The following GCC1 variants were observed in gnomAD, a reference collection of about 807,000 sequenced individuals.
GCC1 encodes the protein GRIP and coiled-coil domain containing 1.
A neutral mutation model predicts 62.5 loss-of-function variants in GCC1; 36 were observed. The ratio of observed to expected loss-of-function variants is 0.58; its 90% CI spans 0.44 to 0.76. The LOEUF is 0.76. GCC1 is among the 30% of genes least tolerant of loss of function. The pLI is 0.00. For missense variants in GCC1, 885 were observed against 948.3 expected, an observed-to-expected ratio of 0.93 and a Z score of 0.88; for synonymous variants, 391 against 386.8, an observed-to-expected ratio of 1.01 and a Z score of -0.13.
rs1269121953 is a variant in GCC1, at chr7:127,581,933, G to A, written c.*81C>T. On this transcript the variant is annotated 3_prime_UTR_variant, in exon 2 of 2. Coordinates refer to ENST00000321407, the MANE Select transcript of GCC1 (RefSeq NM_024523.6). The stretch of plus-strand genomic sequence containing the variant: ...AGTGAAGAAATAAATGACAATGTAA[G>A]AGAAGAGGCAGCAGAAACCAGAGCC... 12 of 1,057,978 alleles carry A rather than the reference G, an allele frequency of 1.1e-5. No individual in the cohort carries two copies. The highest frequency in any genetic ancestry group is 1.6e-5 in the African/African-American group (1 of 63,104). The allele number at this position is 1,057,978 out of a possible 1,614,324, so 65.5% of individuals were successfully genotyped here.
At position 127,585,489 on chromosome 7, in the gene GCC1, G is replaced by A. The variant is rs1032086838; in HGVS notation, c.-307C>T. On this transcript the variant is annotated 5_prime_UTR_variant, in exon 1 of 2. It adds an upstream start codon to the 5' untranslated region. Coordinates refer to ENST00000321407, the MANE Select transcript of GCC1 (RefSeq NM_024523.6). ...AGAAGCCGCTCCGCACTCTCCGCTC[G>A]TCTGGGCCACAGCAGCCCGGGCCGG... 2 of 356,098 alleles carry A rather than the reference G, an allele frequency of 5.6e-6. No individual in the cohort carries two copies. The highest frequency in any genetic ancestry group is 5.1e-5 in the East Asian group (1 of 19,584). 22.1% of individuals were successfully genotyped at this position (356,098 alleles called of 1,614,324 possible). A position where few individuals can be genotyped will look rare whatever the true frequency, so the allele number is the denominator to read the frequency against.
At position 127,582,316 on chromosome 7, in the gene GCC1, T is replaced by C; in HGVS notation, c.2026A>G (p.Arg676Gly). The change falls in exon 2 of 2, where the codon AGG becomes GGG. Residue 676 changes from arginine to glycine, a missense_variant. Transcript: ENST00000321407. The surrounding 1 kb of genome is among the most constrained non-coding windows in gnomAD (Gnocchi z 4.8). ...AGCTGATGCACCTCGACCTCCAGCCTGTGCTTCTGCTTCCTCAGTGATGTG... is the reference window on the plus strand; with the variant it reads ...AGCTGATGCACCTCGACCTCCAGCCCGTGCTTCTGCTTCCTCAGTGATGTG... ...EITSLRKQKH[R>G]LEVEVHQLQD... 1 of 1,614,226 alleles carries C rather than the reference T, an allele frequency of 6.2e-7. No individual in the cohort carries two copies. The highest frequency in any genetic ancestry group is 1.7e-5 in the Admixed American group (1 of 60,026).
In GCC1 at chr7:127,581,756, T is replaced by G. The variant is rs79030634; in HGVS notation, c.*258A>C. On this transcript the variant is annotated 3_prime_UTR_variant, in exon 2 of 2. Transcript: ENST00000321407. Reference sequence around the variant, plus strand: ...ACCACTGTTCCAACTTCTGCACTTCTCAGTCCTAACCTCATCTTCTCCTCA... The same window carrying G: ...ACCACTGTTCCAACTTCTGCACTTCGCAGTCCTAACCTCATCTTCTCCTCA... The G allele has an allele frequency of 8.7e-3, 4,087 of 468,652 alleles. 145 individuals are homozygous for G. Among genetic ancestry groups the G allele is most frequent in the African/African-American group, 0.073 (3,716 of 50,982 alleles). The allele number at this position is 468,652 out of a possible 1,614,324, so 29.0% of individuals were successfully genotyped here. A position where few individuals can be genotyped will look rare whatever the true frequency, so the allele number is the denominator to read the frequency against.
chr7:127,584,934 C>A lies in GCC1; in HGVS notation c.249G>T (p.Val83=). The change falls in exon 1 of 2, where the codon GTG becomes GTT. Residue 83 remains valine (V), a synonymous_variant. Transcript: ENST00000321407. ...QLPGLTFPDS[V]DDRCSTHSED... ...CGCTGTGAGTGGAGCACCGGTCATC[C>A]ACAGAGTCAGGAAAGGTGAGGCCTG... 6.2e-7 allele frequency: 1 copy of A among 1,614,180 alleles called. No homozygotes were observed. Among genetic ancestry groups the A allele is most frequent in the Non-Finnish European group, 8.5e-7 (1 of 1,180,040 alleles).
Position 127,584,969 on chromosome 7 carries a change from C to G in GCC1, c.214G>C (p.Val72Leu). The G allele has an allele frequency of 6.2e-7, 1 of 1,614,198 alleles. No individual in the cohort carries two copies. Among genetic ancestry groups the G allele is most frequent in the Non-Finnish European group, 8.5e-7 (1 of 1,180,032 alleles). ...SHEADVGLAG[V>L]QLPGLTFPDS... Reference sequence around the variant, plus strand: ...GGAAAGGTGAGGCCTGGAAGCTGGACACCTGCGAGGCCCACATCTGCCTCG... The same window carrying G: ...GGAAAGGTGAGGCCTGGAAGCTGGAGACCTGCGAGGCCCACATCTGCCTCG... The change falls in exon 1 of 2, where the codon GTC (valine) becomes CTC (leucine). Residue 72 changes from valine to leucine, a missense_variant. By Grantham distance (32) the Val-to-Leu change is conservative. Transcript: ENST00000321407.
Position 127,584,964 on chromosome 7 carries a change from C to G in GCC1, c.219G>C (p.Gln73His). The G allele has an allele frequency of 1.2e-6, 2 of 1,614,204 alleles. No individual in the cohort carries two copies. Among genetic ancestry groups the G allele is most frequent in the Non-Finnish European group, 1.7e-6 (2 of 1,180,038 alleles). ...AGTCAGGAAAGGTGAGGCCTGGAAG[C>G]TGGACACCTGCGAGGCCCACATCTG... ...HEADVGLAGV[Q>H]LPGLTFPDSV... is the part of the protein sequence containing the mutation. The change falls in exon 1 of 2, where the codon CAG (glutamine) becomes CAC (histidine). Residue 73 changes from glutamine (Q) to histidine (H), a missense_variant. Gln to His is a conservative substitution (Grantham distance 24, BLOSUM62 0). Coordinates refer to ENST00000321407, the MANE Select transcript of GCC1 (RefSeq NM_024523.6).
In GCC1 at chr7:127,581,956, G is replaced by A. The variant is rs1328802227; in HGVS notation, c.*58C>T. The A allele has an allele frequency of 1.9e-5, 25 of 1,320,040 alleles. No individual in the cohort carries two copies. The highest frequency in any genetic ancestry group is 3.7e-5 in the Admixed American group (2 of 53,992). The allele number at this position is 1,320,040 out of a possible 1,614,324, so 81.8% of individuals were successfully genotyped here. On this transcript the variant is annotated 3_prime_UTR_variant, in exon 2 of 2. Transcript: ENST00000321407. ...AAGAGAAGAGGCAGCAGAAACCAGA[G>A]CCTGCCCTTTCCCACATAAAAGAGG...
At chr7:127,583,865 C>T (rs886760660) in intron 1 of GCC1, among the ~76,000 whole-genome samples, 2 of 152,234 alleles carry the variant, frequency 1.3e-5, no homozygotes, top group African/African-American at 2.4e-5. Flanking sequence ...TATACAGCTG[C>T]CACTATACTG....
chr7:127,582,276 A>G lies in GCC1; in HGVS notation c.2066T>C (p.Leu689Pro). The stretch of plus-strand genomic sequence containing the variant: ...CTCACGATGCCGTTCGCCCTCCTCC[A>G]GCAGCCGATCCTGCAGCTGATGCAC... ...VEVHQLQDRL[L>P]EEGERHREEV... Residue 689 changes from leucine (L) to proline (P), a missense_variant, in exon 2 of 2, where the codon CTG becomes CCG. Coordinates refer to ENST00000321407, the MANE Select transcript of GCC1 (RefSeq NM_024523.6). The surrounding 1 kb of genome is among the most constrained non-coding windows in gnomAD (Gnocchi z 4.8). The G allele has an allele frequency of 6.2e-7, 1 of 1,614,158 alleles. No individual in the cohort carries two copies. The highest frequency in any genetic ancestry group is 1.1e-5 in the South Asian group (1 of 91,082).
rs765563695 is a variant in GCC1, at chr7:127,584,910, G to A, written c.273C>T (p.Ser91=). The A allele has an allele frequency of 9.9e-6, 16 of 1,614,098 alleles. No homozygotes were observed. Among genetic ancestry groups the A allele is most frequent in the Non-Finnish European group, 1.2e-5 (14 of 1,180,038 alleles). ...DSVDDRCSTH[S]EDSTGTATSL... ...TAGTGGCGGTCCCAGTGCTATCCTC[G>A]CTGTGAGTGGAGCACCGGTCATCCA... The change falls in exon 1 of 2, where the codon AGC becomes AGT. Residue 91 remains serine, a synonymous_variant. Transcript: ENST00000321407.
chr7:127,582,390 G>C lies in GCC1; in HGVS notation c.1952C>G (p.Pro651Arg), dbSNP rs967511801. 5.1e-5 allele frequency: 83 copies of C among 1,614,056 alleles called. No individual in the cohort carries two copies. The highest frequency in any genetic ancestry group is 6.9e-5 in the Non-Finnish European group (81 of 1,180,036). Residue 651 changes from proline (P) to arginine (R), a missense_variant, in exon 2 of 2, where the codon CCC becomes CGC. By Grantham distance (103) the Pro-to-Arg change is moderately radical. Transcript: ENST00000321407. This position sits in a 1 kb window ranked among gnomAD's most constrained non-coding sequence, Gnocchi z 4.8. ...QALQLAAANE[P>R]TFFLYAEQLA... ...TTGCTCAGCGTACAGAAAGAAAGTG[G>C]GCTCATTGGCCGCTGCAAGTTGTAA...
rs777223414 is a variant in GCC1 at position 127,582,402 on chromosome 7, G to A, written c.1940C>T (p.Ala647Val). 30 of 1,614,064 alleles carry A rather than the reference G, an allele frequency of 1.9e-5. No homozygotes were observed. The highest frequency in any genetic ancestry group is 5.3e-5 in the African/African-American group (4 of 74,942). ...CAGAAAGAAAGTGGGCTCATTGGCC[G>A]CTGCAAGTTGTAATGCTTGGGTCAG... ...DSLTQALQLA[A>V]ANEPTFFLYA... Residue 647 changes from alanine to valine, a missense_variant, in exon 2 of 2, where the codon GCG becomes GTG. Coordinates refer to ENST00000321407, the MANE Select transcript of GCC1 (RefSeq NM_024523.6). The surrounding 1 kb of genome is among the most constrained non-coding windows in gnomAD (Gnocchi z 4.8).
chr7:127,584,558 C>T lies in GCC1; in HGVS notation c.625G>A (p.Ala209Thr). Residue 209 changes from alanine to threonine, a missense_variant, in exon 1 of 2, where the codon GCC (alanine) becomes ACC (threonine). By Grantham distance (58) the Ala-to-Thr change is moderately conservative. Coordinates refer to ENST00000321407, the MANE Select transcript of GCC1 (RefSeq NM_024523.6). ...CCCTTCAATTCTCCCTCCAGGCGGGCCCTCTCCTCCTCCGCCTTGTTACTG... is the reference window on the plus strand; with the variant it reads ...CCCTTCAATTCTCCCTCCAGGCGGGTCCTCTCCTCCTCCGCCTTGTTACTG... ...DASNKAEEERARLEGELKGLQ... is the reference protein window; with the variant it reads ...DASNKAEEERTRLEGELKGLQ... The T allele has an allele frequency of 1.2e-6, 2 of 1,614,078 alleles. No homozygotes were observed. Among genetic ancestry groups the T allele is most frequent in the Non-Finnish European group, 8.5e-7 (1 of 1,180,022 alleles).
chr7:127,584,197 C>A lies in GCC1; in HGVS notation c.986G>T (p.Arg329Leu), dbSNP rs1794171114. 6.2e-7 allele frequency: 1 copy of A among 1,613,832 alleles called. No individual in the cohort carries two copies. The highest frequency in any genetic ancestry group is 1.1e-5 in the South Asian group (1 of 91,058). Residue 329 changes from arginine (R) to leucine (L), a missense_variant, in exon 1 of 2, where the codon CGC becomes CTC. Physicochemically the swap from Arg to Leu is moderately radical, Grantham distance 102. Transcript: ENST00000321407. ...RLQELQEEAA[R>L]LKSHFQAQLQ... ...CTGAGCCTGGAAATGGCTCTTAAGGCGGGCAGCCTCTTCCTGAAGTTCTTG... is the reference window on the plus strand; with the variant it reads ...CTGAGCCTGGAAATGGCTCTTAAGGAGGGCAGCCTCTTCCTGAAGTTCTTG...
chr7:127,585,253 G>C lies in GCC1; in HGVS notation c.-71C>G, dbSNP rs1346909635. ...GGAGAGGGCCGTGAAGACGCAGGCG[G>C]GGGCTTAAAGAAACAGCGAGCGGGC... On this transcript the variant is annotated 5_prime_UTR_variant, in exon 1 of 2. Transcript: ENST00000321407. The C allele has an allele frequency of 3.5e-6, 5 of 1,426,766 alleles. No homozygotes were observed. Among genetic ancestry groups the C allele is most frequent in the Non-Finnish European group, 4.7e-6 (5 of 1,061,170 alleles). The allele number at this position is 1,426,766 out of a possible 1,614,324, so 88.4% of individuals were successfully genotyped here.
chr7:127,584,766 G>A lies in GCC1; in HGVS notation c.417C>T (p.Gly139=), dbSNP rs1398753633. Residue 139 remains glycine (G), a synonymous_variant, in exon 1 of 2, where the codon GGC becomes GGT. Coordinates refer to ENST00000321407, the MANE Select transcript of GCC1 (RefSeq NM_024523.6). ...GCCCATCCCCACTGCTACTGCTAACGCCACTCTCGGACCAACTGGCCTCTT... is the reference window on the plus strand; with the variant it reads ...GCCCATCCCCACTGCTACTGCTAACACCACTCTCGGACCAACTGGCCTCTT... The part of the protein sequence containing the change: ...KSEEASWSES[G]VSSSSGDGPF... The A allele has an allele frequency of 1.9e-6, 3 of 1,614,036 alleles. No homozygotes were observed. Among genetic ancestry groups the A allele is most frequent in the Non-Finnish European group, 2.5e-6 (3 of 1,180,024 alleles).
Position 127,585,020 on chromosome 7 carries a change from T to G in GCC1, c.163A>C (p.Ser55Arg), listed in dbSNP as rs749177221. 2 of 1,614,244 alleles carry G rather than the reference T, an allele frequency of 1.2e-6. No individual in the cohort carries two copies. The highest frequency in any genetic ancestry group is 8.5e-7 in the Non-Finnish European group (1 of 1,180,046). ...TGGGATACCGACAGCACCTTGATGC[T>G]GGCCTCTAATGCCTCTTTCTCCTTC... ...LLKEKEALEA[S>R]IKVLSVSHEA... is the part of the protein sequence containing the mutation. Residue 55 changes from serine to arginine, a missense_variant, in exon 1 of 2, where the codon AGC becomes CGC. Transcript: ENST00000321407.
In GCC1 at chr7:127,584,807, G is replaced by A. The variant is rs752616296; in HGVS notation, c.376C>T (p.Pro126Ser). ...VEDDRPARGP[P>S]PPKSEEASWS... is the part of the protein sequence containing the mutation. Reference sequence around the variant, plus strand: ...CTGGCCTCTTCGGACTTTGGAGGTGGTGGTCCACGGGCCGGTCTGTCATCT... The same window carrying A: ...CTGGCCTCTTCGGACTTTGGAGGTGATGGTCCACGGGCCGGTCTGTCATCT... Residue 126 changes from proline to serine, a missense_variant, in exon 1 of 2, where the codon CCA (proline) becomes TCA (serine). Transcript: ENST00000321407. 6 of 1,614,046 alleles carry A rather than the reference G, an allele frequency of 3.7e-6. No homozygotes were observed. Among genetic ancestry groups the A allele is most frequent in the Non-Finnish European group, 4.2e-6 (5 of 1,180,032 alleles).
At position 127,582,550 on chromosome 7, in the gene GCC1, C is replaced by T. The variant is rs1289654594; in HGVS notation, c.1792G>A (p.Glu598Lys). ...AGTTGCTCCAGTTCCAAGTCCTTCT[C>T]GGTGAGCACAGCTAGGGCACGATCC... ...QRDRALAVLT[E>K]KDLELEQLRS... The change falls in exon 2 of 2, where the codon GAG becomes AAG. Residue 598 changes from glutamate (E) to lysine (K), a missense_variant. Physicochemically the swap from Glu to Lys is moderately conservative, Grantham distance 56 (BLOSUM62 1). Coordinates refer to ENST00000321407, the MANE Select transcript of GCC1 (RefSeq NM_024523.6). This position sits in a 1 kb window ranked among gnomAD's most constrained non-coding sequence, Gnocchi z 4.8. 12 of 1,611,374 alleles carry T rather than the reference C, an allele frequency of 7.4e-6. No individual in the cohort carries two copies. The highest frequency in any genetic ancestry group is 1.3e-5 in the African/African-American group (1 of 75,052).
Sources: allele counts gnomAD v4.1 joint callset (sites outside exome capture counted in the v4.1 genomes callset), GRCh38; gene constraint gnomAD v4.1.1; non-coding constraint Gnocchi (gnomAD v3.1); transcripts MANE v1.5; gene names NCBI Gene and HGNC (gene_info 2026-07-23, HGNC 2026-07-21).